The following SYN3 variants were observed in gnomAD, a reference collection of about 807,000 sequenced individuals.
SYN3 encodes the protein synapsin-3.
Under a neutral mutation model 65.8 loss-of-function variants are expected in SYN3, and 35 were observed. The ratio of observed to expected loss-of-function variants is 0.53; its 90% confidence interval spans 0.41 to 0.70. The LOEUF is 0.70. SYN3 is among the 30% of genes least tolerant of loss of function. SYN3 has a pLI of 0.00. For synonymous variants in SYN3, 270 were observed against 292.9 expected (o/e 0.92, Z 0.80); for missense variants, 680 against 749.0 (o/e 0.91, Z 1.08).
chr22:32,539,715 C>A (rs974712817), intron 8 of SYN3, among the ~76,000 whole-genome samples: 3 of 151,144 alleles, frequency 2.0e-5, no homozygotes, highest in African/African-American at 4.9e-5. Context: ...CCAGGAAACT[C>A]GGTAAGTAAT....
At position 32,508,490 on chromosome 22, in the gene SYN3, A is replaced by G. The variant is rs12166224; in HGVS notation, c.*5202T>C. On this transcript the variant is annotated 3_prime_UTR_variant, in exon 14 of 14. Coordinates refer to ENST00000358763, the MANE Select transcript of SYN3 (RefSeq NM_003490.4). ...AGCCTGTTTAGTGGTCTCTTCACAC[A>G]GACGCGCATGAAAGGGGCCCCAAGG... is the stretch of plus-strand genomic sequence containing the variant. 0.21 allele frequency among the ~76,000 whole-genome samples: 32,251 copies of G among 152,074 alleles called. 3,736 individuals carry two copies. Among genetic ancestry groups the G allele is most frequent in the African/African-American group, 0.29 (11,872 of 41,462 alleles).
intron 5 of SYN3, among the ~76,000 whole-genome samples, chr22:32,866,063 G>C (rs187679106): frequency 2.0e-5 from 3 of 152,176 alleles, no homozygotes; most frequent in Non-Finnish European, 4.4e-5. Flanking sequence ...AGCCTTAAAG[G>C]CCTGACCAGA....
chr22:32,895,911 A>G (rs1381245945), intron 4 of SYN3, among the ~76,000 whole-genome samples: 2 of 152,218 alleles, frequency 1.3e-5, no homozygotes, highest in African/African-American at 4.8e-5. Context: ...GTGTATAAGA[A>G]GGGTCATACT....
chr22:32,623,887 G>T (rs1031844711), intron 6 of SYN3, among the ~76,000 whole-genome samples: 3 of 152,160 alleles, frequency 2.0e-5, no homozygotes, highest in African/African-American at 7.2e-5. Flanking sequence ...ATAAAAGAGG[G>T]TTCTGACGGG....
At chr22:32,748,975 G>T (rs548474198) in intron 6 of SYN3, among the ~76,000 whole-genome samples, 1 of 152,212 alleles carries the variant, frequency 6.6e-6, no homozygotes, top group South Asian at 2.1e-4. Context: ...GGGACATTTT[G>T]CCCCCGCTCC....
intron 11 of SYN3, 124 bp downstream of exon 11, chr22:32,528,750 C>G (rs187709739): frequency 7.3e-7 from 1 of 1,372,176 alleles, no homozygotes; most frequent in East Asian, 2.5e-5. Context: ...TCCACACCCC[C>G]ATTCCTTCTC....
intron 4 of SYN3, among the ~76,000 whole-genome samples, chr22:32,872,468 A>G (rs1249632993): frequency 6.6e-6 from 1 of 152,140 alleles, no homozygotes; most frequent in East Asian, 1.9e-4. Flanking sequence ...CCACGAAGAA[A>G]TTCATAACCC....
intron 9 of SYN3, among the ~76,000 whole-genome samples, chr22:32,534,253 T>A (rs2058125601): frequency 6.6e-6 from 1 of 152,062 alleles, no homozygotes; most frequent in South Asian, 2.1e-4. Flanking sequence ...TCTGCAGTAA[T>A]GGGGAGCTTG....
At position 32,864,648 on chromosome 22, in the gene SYN3, C is replaced by T. The variant is rs1020375989; in HGVS notation, c.711+267G>A. The stretch of plus-strand genomic sequence containing the variant: ...CTCTGGTTCTAACATGCCCCCAGAA[C>T]GTGTCCCCTGATTTGCTGAAAATCT... On this transcript the variant is annotated intron_variant, in intron 6 of 13. Coordinates refer to ENST00000358763, the MANE Select transcript of SYN3 (RefSeq NM_003490.4). 5.1e-5 allele frequency: 16 copies of T among 313,036 alleles called. No individual in the cohort carries two copies. In the Admixed American group the frequency reaches 5.7e-4, roughly 11 times the overall value. The allele number at this position is 313,036 out of a possible 1,614,324, so 19.4% of individuals were successfully genotyped here. A position where few individuals can be genotyped will look rare whatever the true frequency, so the allele number is the denominator to read the frequency against.
chr22:32,915,699 G>A (rs1477417149), intron 4 of SYN3, among the ~76,000 whole-genome samples: 1 of 152,200 alleles, frequency 6.6e-6, no homozygotes, highest in Non-Finnish European at 1.5e-5. Flanking sequence ...CAGGAGGGTG[G>A]AGAGGCAGCA....
intron 3 of SYN3, among the ~76,000 whole-genome samples, chr22:32,959,581 C>A (rs112638666): frequency 9.9e-5 from 15 of 151,874 alleles, no homozygotes; most frequent in African/African-American, 2.9e-4. Context: ...TTTCAAGAGG[C>A]AGCCTAAGGA....
At chr22:32,707,397 G>A (rs565404101) in intron 6 of SYN3, among the ~76,000 whole-genome samples, 2 of 152,334 alleles carry the variant, frequency 1.3e-5, no homozygotes, top group East Asian at 3.9e-4. Context: ...GTAGTCACTT[G>A]TGATTCTGAG....
intron 1 of SYN3, among the ~76,000 whole-genome samples, chr22:33,040,111 G>A (rs910917403): frequency 2.0e-5 from 3 of 150,636 alleles, no homozygotes; most frequent in Non-Finnish European, 4.4e-5. Context: ...CTCACTGCCC[G>A]CCACCACACC....
In SYN3 at chr22:32,610,292, C is replaced by A. The variant is rs1342372134; in HGVS notation, c.712-13556G>T. On this transcript the variant is annotated intron_variant, in intron 6 of 13. Coordinates refer to ENST00000358763, the MANE Select transcript of SYN3 (RefSeq NM_003490.4). ...CAAGATTCTGTCCCCCTGCCCCCCC[C>A]AAAAAAAGAAATGTACAGTTCAGTG... Among the ~76,000 whole-genome samples, 37 of 151,936 alleles carry A rather than the reference C, an allele frequency of 2.4e-4. 1 individual carries two copies. Among genetic ancestry groups the A allele is most frequent in the East Asian group, 9.7e-4 (5 of 5,158 alleles).
At chr22:32,881,568 G>A (rs1038386000) in intron 4 of SYN3, among the ~76,000 whole-genome samples, 4 of 152,044 alleles carry the variant, frequency 2.6e-5, no homozygotes, top group African/African-American at 4.8e-5. Flanking sequence ...ACCCATCTCC[G>A]CCCCCAGAGC....
intron 7 of SYN3, among the ~76,000 whole-genome samples, chr22:32,558,272 C>T (rs1424038487): frequency 6.6e-6 from 1 of 152,080 alleles, no homozygotes; most frequent in African/African-American, 2.4e-5. Context: ...GCTCAGAAAC[C>T]CTGTAGGATA....
In SYN3 at chr22:32,720,598, A is replaced by G. The variant is rs150807410; in HGVS notation, c.712-123862T>C. On this transcript the variant is annotated intron_variant, in intron 6 of 13. Coordinates refer to ENST00000358763, the MANE Select transcript of SYN3 (RefSeq NM_003490.4). ...CCAAATAGTGTTATTTTCACTGCCCAGTGAATAGCAGTGTTGGGATTCTCA... is the reference window on the plus strand; with the variant it reads ...CCAAATAGTGTTATTTTCACTGCCCGGTGAATAGCAGTGTTGGGATTCTCA... Among the ~76,000 whole-genome samples, 1,022 of 152,310 alleles carry G rather than the reference A, an allele frequency of 6.7e-3. 2 individuals carry two copies. The highest frequency in any genetic ancestry group is 0.011 in the Non-Finnish European group (724 of 68,022).
intron 3 of SYN3, among the ~76,000 whole-genome samples, chr22:32,931,754 T>A (rs576546027): frequency 6.6e-6 from 1 of 152,382 alleles, no homozygotes; most frequent in East Asian, 1.9e-4. Flanking sequence ...ATGCTTTTAA[T>A]CCTTGCTAAT....
intron 4 of SYN3, among the ~76,000 whole-genome samples, chr22:32,872,032 G>A (rs771689565): frequency 1.1e-4 from 16 of 151,998 alleles, no homozygotes; most frequent in African/African-American, 1.9e-4. Flanking sequence ...CCCACATTGC[G>A]TGTAGGTGCC....
Sources: allele counts gnomAD v4.1 joint callset (sites outside exome capture counted in the v4.1 genomes callset), GRCh38; gene constraint gnomAD v4.1.1; transcripts MANE v1.5; gene names NCBI Gene and HGNC (gene_info 2026-07-23, HGNC 2026-07-21).